RABL6: variants seen among roughly 807,000 people sequenced by gnomAD.
RABL6 encodes the protein RAB, member RAS oncogene family like 6.
A neutral mutation model predicts 72.9 loss-of-function variants in RABL6; 28 were observed. The ratio of observed to expected loss-of-function variants is 0.38; its 90% CI spans 0.28 to 0.53. RABL6 has a LOEUF of 0.53. RABL6 is among the 20% of genes least tolerant of loss of function. The pLI is 0.80. For missense variants in RABL6, 1,029 were observed against 1,008.4 expected (o/e 1.02, Z -0.28); for synonymous variants, 477 against 421.2 (o/e 1.13, Z -1.62).
intron 4 of RABL6, 44 bp downstream of exon 4, chr9:136,828,590 G>A (rs372053084): frequency 2.9e-5 from 47 of 1,593,462 alleles, no homozygotes; most frequent in African/African-American, 8.1e-5. Context: ...TCAGGGCCCC[G>A]GGGTGCGTGA....
chr9:136,825,638 A>G, intron 2 of RABL6, 141 bp from the exon 3 acceptor site: 2 of 876,230 alleles, frequency 2.3e-6, no homozygotes, highest in Non-Finnish European at 3.8e-6. Flanking sequence ...TGGGGAGGAC[A>G]CATCCCCTGC....
chr9:136,823,041 TAG>T (rs1848276013), intron 1 of RABL6, among the ~76,000 whole-genome samples: 3 of 144,036 alleles, frequency 2.1e-5, no homozygotes, highest in Non-Finnish European at 3.0e-5. Flanking sequence ...TGAGCCGAGA[TAG>T]CACCACTGCA....
At chr9:136,836,921 T>A in intron 8 of RABL6, 1 of 345,050 alleles carries the variant, frequency 2.9e-6, no homozygotes, top group Non-Finnish European at 5.6e-6. Flanking sequence ...TCGCCCAGGC[T>A]GGAGCGCAGT....
chr9:136,838,944 C>G lies in RABL6; in HGVS notation c.1316C>G (p.Ala439Gly), dbSNP rs1450706691. 1 of 1,607,288 alleles carries G rather than the reference C, an allele frequency of 6.2e-7. No homozygotes were observed. Among genetic ancestry groups the G allele is most frequent in the African/African-American group, 1.3e-5 (1 of 74,846 alleles). Residue 439 changes from alanine to glycine, a missense_variant, in exon 11 of 15, where the codon GCA (alanine) becomes GGA (glycine). This residue lies in a region of RABL6 where 595 missense variants were observed against 472.4 expected (regional missense o/e 1.26). Coordinates refer to ENST00000311502, the MANE Select transcript of RABL6 (RefSeq NM_024718.5). ...GEALGGNPMVAGFQDDVDLED... is the reference protein window; with the variant it reads ...GEALGGNPMVGGFQDDVDLED... ...GCCCTGGGCGGCAACCCGATGGTGG[C>G]AGGGTTCCAGGACGATGTGGACCTC...
chr9:136,823,748 GT>G, intron 2 of RABL6, 89 bp downstream of exon 2: 2 of 1,441,936 alleles, frequency 1.4e-6, no homozygotes, highest in Middle Eastern at 2.3e-4. Context: ...CCCAGAGGGG[GT>G]CTCCCCGAAG....
chr9:136,823,664 G>A lies in RABL6; in HGVS notation c.265+5G>A. ...GCATCCACTGGAGCTACAAGAGTAA[G>A]TGTGGTGGGTGCCCCAGTGGGTTCG... On this transcript the variant is annotated splice_donor_5th_base_variant and intron_variant, in intron 2 of 14. Transcript: ENST00000311502. 6.2e-7 allele frequency: 1 copy of A among 1,603,202 alleles called. No individual in the cohort carries two copies. The highest frequency in any genetic ancestry group is 1.1e-5 in the South Asian group (1 of 90,310).
chr9:136,811,704 C>G (rs1239827286), intron 1 of RABL6, among the ~76,000 whole-genome samples: 2 of 152,242 alleles, frequency 1.3e-5, no homozygotes, highest in Middle Eastern at 3.4e-3. Context: ...CGTTGCCCAG[C>G]TGGGCTCAGA....
intron 10 of RABL6, among the ~76,000 whole-genome samples, chr9:136,838,596 T>C (rs997938832): frequency 1.3e-5 from 2 of 152,184 alleles, no homozygotes; most frequent in Non-Finnish European, 2.9e-5. Context: ...CCTCCAGAAA[T>C]ACACAAAGGA....
chr9:136,832,107 C>T (rs1049885451), intron 6 of RABL6, 158 bp from the exon 7 acceptor site: 23 of 875,060 alleles, frequency 2.6e-5, no homozygotes, highest in Middle Eastern at 3.4e-4. Flanking sequence ...GAAGGGCACT[C>T]GGCTTAGCTG....
rs949998181 is a variant in RABL6 at position 136,822,090 on chromosome 9, G to A, written c.131-1435G>A. ...AGGTAGAGGGAGGGGACTGGGCCAG[G>A]AGAGAGGAGCCGGGTGGGGCACAGG... On this transcript the variant is annotated intron_variant, in intron 1 of 14. Coordinates refer to ENST00000311502, the MANE Select transcript of RABL6 (RefSeq NM_024718.5). The A allele has an allele frequency of 1.4e-5, 18 of 1,288,228 alleles. No homozygotes were observed. In the East Asian group the frequency reaches 1.0e-3, roughly 72 times the overall value. 79.8% of individuals were successfully genotyped at this position (1,288,228 alleles called of 1,614,324 possible).
Position 136,808,192 on chromosome 9 carries a change from G to A in RABL6, c.-5G>A, listed in dbSNP as rs751436818. 3.3e-6 allele frequency: 5 copies of A among 1,523,782 alleles called. No homozygotes were observed. Among genetic ancestry groups the A allele is most frequent in the Non-Finnish European group, 3.5e-6 (4 of 1,136,994 alleles). The allele number at this position is 1,523,782 out of a possible 1,614,324, so 94.4% of individuals were successfully genotyped here. A position where few individuals can be genotyped will look rare whatever the true frequency, so the allele number is the denominator to read the frequency against. On this transcript the variant is annotated 5_prime_UTR_variant, in exon 1 of 15. Transcript: ENST00000311502. The stretch of plus-strand genomic sequence containing the variant: ...GCGCCCGGGCTGGGACGTCCGAGCG[G>A]GAAGATGTTTTCCGCCCTGAAGAAG...
In RABL6 at chr9:136,840,875, T is replaced by C; in HGVS notation, c.*353T>C. On this transcript the variant is annotated 3_prime_UTR_variant, in exon 15 of 15. Coordinates refer to ENST00000311502, the MANE Select transcript of RABL6 (RefSeq NM_024718.5). Reference sequence around the variant, plus strand: ...AGAGGCTGGGCAGGGGCCGCTTGGCTGTGGGGTGTGCGCTGCCCCGGCACC... The same window carrying C: ...AGAGGCTGGGCAGGGGCCGCTTGGCCGTGGGGTGTGCGCTGCCCCGGCACC... 3 of 1,531,036 alleles carry C rather than the reference T, an allele frequency of 2.0e-6. No individual in the cohort carries two copies. Among genetic ancestry groups the C allele is most frequent in the Non-Finnish European group, 2.6e-6 (3 of 1,135,554 alleles). The allele number at this position is 1,531,036 out of a possible 1,614,324, so 94.8% of individuals were successfully genotyped here. A position where few individuals can be genotyped will look rare whatever the true frequency, so the allele number is the denominator to read the frequency against.
intron 1 of RABL6, among the ~76,000 whole-genome samples, chr9:136,820,385 T>G (rs1399391003): frequency 6.6e-6 from 1 of 151,962 alleles, no homozygotes; most frequent in Non-Finnish European, 1.5e-5. Flanking sequence ...ATTTTGTTGT[T>G]TTTTTTGAGA....
chr9:136,818,453 G>A (rs1401402762), intron 1 of RABL6, among the ~76,000 whole-genome samples: 1 of 147,014 alleles, frequency 6.8e-6, no homozygotes, highest in African/African-American at 2.5e-5. Context: ...AATGAAATAA[G>A]TGTTGGTGGG....
chr9:136,815,968 C>T (rs1466449637), intron 1 of RABL6, among the ~76,000 whole-genome samples: 3 of 152,124 alleles, frequency 2.0e-5, no homozygotes, highest in Admixed American at 1.3e-4. Context: ...TACAGGGCTT[C>T]TTAGCGTTTC....
At chr9:136,832,430 T>G (rs1848496766) in intron 7 of RABL6, 60 bp downstream of exon 7, 1 of 1,344,390 alleles carries the variant, frequency 7.4e-7, no homozygotes, top group African/African-American at 1.4e-5. Flanking sequence ...TCCAGGTGTC[T>G]CCTGTGTAGC....
chr9:136,819,199 G>C (rs1390127781), intron 1 of RABL6, among the ~76,000 whole-genome samples: 1 of 151,974 alleles, frequency 6.6e-6, no homozygotes, highest in Non-Finnish European at 1.5e-5. Context: ...GCGGGCGCCT[G>C]TAGTCCCAGC....
chr9:136,818,243 G>T (rs916259127), intron 1 of RABL6, among the ~76,000 whole-genome samples: 1 of 148,680 alleles, frequency 6.7e-6, no homozygotes, highest in African/African-American at 2.5e-5. Context: ...GGCGCCTGTA[G>T]TCCCAGCTAC....
intron 1 of RABL6, chr9:136,821,521 C>T (rs1237509510): frequency 1.0e-6 from 1 of 985,278 alleles, no homozygotes; most frequent in South Asian, 4.7e-5. Flanking sequence ...GCGTGCGCGG[C>T]CCGGGCAGTC....
Sources: gnomAD v4.1 joint callset for allele counts (sites outside exome capture counted in the v4.1 genomes callset) on GRCh38, gnomAD v4.1.1 for gene constraint, gnomAD v4.1.1 regional missense constraint, MANE v1.5 for transcripts, NCBI Gene and HGNC (gene_info 2026-07-23, HGNC 2026-07-21) for gene names.